The following RASA1 variants were observed in gnomAD, a reference collection of about 807,000 sequenced individuals.
The protein encoded by RASA1 is ras GTPase-activating protein 1.
RASA1 carries 25 observed loss-of-function variants against 132.2 expected under a neutral mutation model. The ratio of observed to expected loss-of-function variants is 0.19; its 90% CI spans 0.14 to 0.26. RASA1 has a LOEUF of 0.26. Ranked by LOEUF, RASA1 falls within the 10% of genes least tolerant of loss-of-function variation. The probability of loss-of-function intolerance (pLI) is 1.00; values close to 1 mark genes in which losing one functional copy is unlikely to be tolerated. For missense variants in RASA1, 964 were observed against 1,299.2 expected (o/e 0.74, Z 3.97); for synonymous variants, 477 against 449.9 (o/e 1.06, Z -0.76).
intron 22 of RASA1, among the ~76,000 whole-genome samples, chr5:87,386,081 C>A (rs1000910654): frequency 6.6e-6 from 1 of 152,004 alleles, no homozygotes; most frequent in African/African-American, 2.4e-5. Flanking sequence ...CTCCTCACAG[C>A]CTTGCCAGAA....
At chr5:87,306,326 A>G (rs890438602) in intron 1 of RASA1, among the ~76,000 whole-genome samples, 1 of 152,180 alleles carries the variant, frequency 6.6e-6, no homozygotes, top group Non-Finnish European at 1.5e-5. Context: ...GGGGACATGG[A>G]TGAAGGTGGA....
chr5:87,389,600 T>G, intron 24 of RASA1, 73 bp downstream of exon 24: 1 of 1,562,514 alleles, frequency 6.4e-7, no homozygotes, highest in Non-Finnish European at 8.8e-7. Flanking sequence ...AATAGCTGAA[T>G]TCTGGTTAAC....
chr5:87,380,494 G>T lies in RASA1; in HGVS notation c.2604-15G>T, dbSNP rs879849698. The T allele has an allele frequency of 1.9e-6, 3 of 1,598,978 alleles. No homozygotes were observed. In the African/African-American group the frequency reaches 4.0e-5, roughly 21 times the overall value. On this transcript the variant is annotated splice_polypyrimidine_tract_variant and intron_variant, in intron 19 of 24. Transcript: ENST00000274376. ...ACTTGCTTTCTGTGTTGAGATGATT[G>T]TGTTATTTTGGCAGGACATTGAGAT...
chr5:87,289,517 G>C (rs768213331), intron 1 of RASA1, among the ~76,000 whole-genome samples: 1 of 152,080 alleles, frequency 6.6e-6, no homozygotes, highest in Non-Finnish European at 1.5e-5. Flanking sequence ...CTTCATTAGG[G>C]AATCTTAGGA....
chr5:87,383,664 A>T, intron 20 of RASA1, 49 bp from the exon 21 acceptor site: 1 of 1,365,322 alleles, frequency 7.3e-7, no homozygotes. Flanking sequence ...GTAACACATT[A>T]TATAGGTGTT....
At chr5:87,269,695 A>G (rs762903118) in intron 1 of RASA1, among the ~76,000 whole-genome samples, 1 of 152,216 alleles carries the variant, frequency 6.6e-6, no homozygotes, top group Non-Finnish European at 1.5e-5. Flanking sequence ...AACAAAATCA[A>G]TAGAGCTTCC....
intron 15 of RASA1, 81 bp from the exon 16 acceptor site, chr5:87,376,312 C>CTGA: frequency 6.6e-7 from 1 of 1,513,064 alleles, no homozygotes; most frequent in Non-Finnish European, 9.1e-7. Context: ...ATAGGGAAGA[C>CTGA]TGAACACCAG....
Position 87,306,922 on chromosome 5 carries a change from G to T in RASA1, c.540-24426G>T, listed in dbSNP as rs188228937. Among the ~76,000 whole-genome samples the T allele has an allele frequency of 4.5e-3, 692 of 152,166 alleles. 7 individuals are homozygous for T. The highest frequency in any genetic ancestry group is 5.7e-3 in the Non-Finnish European group (387 of 67,998). On this transcript the variant is annotated intron_variant, in intron 1 of 24. Coordinates refer to ENST00000274376, the MANE Select transcript of RASA1 (RefSeq NM_002890.3). ...CACCCAGACTGGAGTGCAATGGTAC[G>T]ATCATAGCTTACTGCATACTTGAAC...
intron 1 of RASA1, among the ~76,000 whole-genome samples, chr5:87,316,457 A>G (rs1490407548): frequency 6.6e-6 from 1 of 152,194 alleles, no homozygotes; most frequent in African/African-American, 2.4e-5. Flanking sequence ...CTTCACAACC[A>G]AAGGTTCTTC....
At chr5:87,304,670 G>A (rs1189593091) in intron 1 of RASA1, among the ~76,000 whole-genome samples, 2 of 152,026 alleles carry the variant, frequency 1.3e-5, no homozygotes, top group Non-Finnish European at 2.9e-5. Flanking sequence ...GTTTCACCAT[G>A]TTGGGGAGGC....
At chr5:87,274,722 G>A (rs946891540) in intron 1 of RASA1, among the ~76,000 whole-genome samples, 1 of 152,064 alleles carries the variant, frequency 6.6e-6, no homozygotes, top group Non-Finnish European at 1.5e-5. Flanking sequence ...AAAGAAATTT[G>A]TGTAATTAGG....
chr5:87,297,963 A>G (rs993666928), intron 1 of RASA1, among the ~76,000 whole-genome samples: 2 of 152,190 alleles, frequency 1.3e-5, no homozygotes, highest in African/African-American at 2.4e-5. Flanking sequence ...ATTTTTCTCT[A>G]TCTGCCTACC....
At chr5:87,364,122 G>A (rs1172050164) in intron 11 of RASA1, among the ~76,000 whole-genome samples, 1 of 151,984 alleles carries the variant, frequency 6.6e-6, no homozygotes, top group African/African-American at 2.4e-5. Flanking sequence ...AGTCTTTTTA[G>A]ATGTACTTAC....
At chr5:87,342,882 G>A (rs1758583308) in intron 6 of RASA1, among the ~76,000 whole-genome samples, 1 of 151,934 alleles carries the variant, frequency 6.6e-6, no homozygotes, top group Non-Finnish European at 1.5e-5. Context: ...TAAAAATATA[G>A]GTTAAATGCT....
intron 2 of RASA1, among the ~76,000 whole-genome samples, chr5:87,332,211 A>T (rs1296019421): frequency 6.6e-6 from 1 of 151,930 alleles, no homozygotes; most frequent in Non-Finnish European, 1.5e-5. Context: ...AGCCTTAAAT[A>T]TGGAAAGTGA....
intron 13 of RASA1, among the ~76,000 whole-genome samples, chr5:87,372,994 C>G (rs1761060278): frequency 6.6e-6 from 1 of 152,114 alleles, no homozygotes; most frequent in South Asian, 2.1e-4. Context: ...TACACACAAT[C>G]GCCATGTCTT....
chr5:87,363,987 A>C (rs760367160), intron 11 of RASA1, among the ~76,000 whole-genome samples: 14 of 152,166 alleles, frequency 9.2e-5, no homozygotes, highest in Non-Finnish European at 1.6e-4. Flanking sequence ...GAAACAATGA[A>C]TATAAATGTA....
At chr5:87,335,035 A>C (rs968004305) in intron 4 of RASA1, among the ~76,000 whole-genome samples, 15 of 152,122 alleles carry the variant, frequency 9.9e-5, no homozygotes, top group Non-Finnish European at 1.5e-4. Flanking sequence ...GGCGTGTGTC[A>C]CCAAGTCCAG....
intron 1 of RASA1, among the ~76,000 whole-genome samples, chr5:87,313,819 G>A (rs908069639): frequency 3.9e-5 from 6 of 152,194 alleles, no homozygotes; most frequent in Non-Finnish European, 7.3e-5. Context: ...TAGACAAAGG[G>A]ATGGCAATAA....
Sources: allele counts gnomAD v4.1 joint callset (sites outside exome capture counted in the v4.1 genomes callset), GRCh38; gene constraint gnomAD v4.1.1; transcripts MANE v1.5; gene names NCBI Gene and HGNC (gene_info 2026-07-23, HGNC 2026-07-21).